The following PTPRD variants were observed in gnomAD, a reference collection of about 807,000 sequenced individuals.
PTPRD encodes the protein protein tyrosine phosphatase receptor type D.
PTPRD carries 34 observed loss-of-function variants against 214.5 expected under a neutral mutation model. The observed-to-expected ratio is 0.16, with a 90% CI of 0.12 to 0.21. The LOEUF (loss-of-function observed/expected upper bound fraction) is 0.21, where lower values mean the gene tolerates loss of function less well. Ranked by LOEUF, PTPRD falls within the 10% of genes least tolerant of loss-of-function variation. The pLI, the probability that PTPRD is intolerant of heterozygous loss-of-function variation, is 1.00. For missense variants in PTPRD, 2,545 were observed against 2,398.7 expected (o/e 1.06, Z -1.27); for synonymous variants, 1,128 against 845.7 (o/e 1.33, Z -5.79).
intron 43 of PTPRD, among the ~76,000 whole-genome samples, chr9:8,335,126 G>A (rs1192139694): frequency 8.2e-5 from 12 of 146,932 alleles, no homozygotes; most frequent in Non-Finnish European, 1.9e-4. Context: ...CAAAAAGAGG[G>A]ACTCCTTCCT....
At chr9:8,603,475 T>G (rs113435934) in intron 14 of PTPRD, among the ~76,000 whole-genome samples, 142 of 152,272 alleles carry the variant, frequency 9.3e-4, no homozygotes, top group African/African-American at 3.3e-3. Flanking sequence ...TACATCTCCT[T>G]AACGGTTTGC....
intron 2 of PTPRD, among the ~76,000 whole-genome samples, chr9:10,355,560 C>G (rs1262532641): frequency 6.6e-6 from 1 of 150,810 alleles, no homozygotes; most frequent in Non-Finnish European, 1.5e-5. Context: ...CTCAATGCAA[C>G]CTCCGCCTCC....
intron 10 of PTPRD, among the ~76,000 whole-genome samples, chr9:9,107,641 G>A (rs1237029503): frequency 6.6e-6 from 1 of 152,104 alleles, no homozygotes; most frequent in African/African-American, 2.4e-5. Flanking sequence ...GCTGCCAACT[G>A]TTTATATATG....
At chr9:8,950,549 A>G (rs1173840894) in intron 11 of PTPRD, among the ~76,000 whole-genome samples, 1 of 152,060 alleles carries the variant, frequency 6.6e-6, no homozygotes, top group Non-Finnish European at 1.5e-5. Flanking sequence ...TTCTCAAATA[A>G]CAGAGCTCTC....
chr9:9,655,603 ACCAAACCAAACCAAG>A (rs1255013736), intron 7 of PTPRD, among the ~76,000 whole-genome samples: 12 of 151,620 alleles, frequency 7.9e-5, no homozygotes, highest in African/African-American at 2.4e-4. Context: ...ACCAAACCAA[ACCAAACCAAACCAAG>A]CCAAACCAAA....
chr9:9,249,681 T>C lies in PTPRD; in HGVS notation c.-202-66318A>G, dbSNP rs533500647. On this transcript the variant is annotated intron_variant, in intron 9 of 45. Coordinates refer to ENST00000381196, the MANE Select transcript of PTPRD (RefSeq NM_002839.4). ...GAACCAACTGCTAAAGTTTCAACTA[T>C]GCATTATTTGTAGAAGTGAGCTTCC... Among the ~76,000 whole-genome samples the C allele has an allele frequency of 5.8e-4, 88 of 152,204 alleles. No homozygotes were observed. In the South Asian group the frequency reaches 7.5e-3, roughly 13 times the overall value.
At chr9:9,176,767 G>A (rs563029956) in intron 10 of PTPRD, among the ~76,000 whole-genome samples, 2 of 152,228 alleles carry the variant, frequency 1.3e-5, no homozygotes, top group East Asian at 3.9e-4. Flanking sequence ...TCTGCCATGG[G>A]ATGAGGCCCT....
chr9:8,722,275 A>T (rs1415782581), intron 12 of PTPRD, among the ~76,000 whole-genome samples: 1 of 152,114 alleles, frequency 6.6e-6, no homozygotes, highest in Non-Finnish European at 1.5e-5. Flanking sequence ...CCAAAGGGTC[A>T]GAATTCTCCT....
At chr9:9,816,657 T>G (rs1179229646) in intron 5 of PTPRD, among the ~76,000 whole-genome samples, 1 of 152,010 alleles carries the variant, frequency 6.6e-6, no homozygotes, top group African/African-American at 2.4e-5. Flanking sequence ...GGGAAGACCT[T>G]TTGCGTATTC....
chr9:9,687,941 A>G (rs1018643749), intron 7 of PTPRD, among the ~76,000 whole-genome samples: 3 of 151,790 alleles, frequency 2.0e-5, no homozygotes, highest in Non-Finnish European at 2.9e-5. Flanking sequence ...AGGTGATTGG[A>G]TCATGGGGGC....
At position 9,440,628 on chromosome 9, in the gene PTPRD, C is replaced by T. The variant is rs117587112; in HGVS notation, c.-236-43146G>A. 3.7e-4 allele frequency among the ~76,000 whole-genome samples: 57 copies of T among 152,242 alleles called. No homozygotes were observed. In the East Asian group the frequency reaches 9.7e-3, roughly 26 times the overall value. On this transcript the variant is annotated intron_variant, in intron 8 of 45. Coordinates refer to ENST00000381196, the MANE Select transcript of PTPRD (RefSeq NM_002839.4). ...ACTGGATTCAGCAGTATCTATTTAC[C>T]GATGGTAGACATTCTTCCTTAAAAC...
At chr9:9,758,651 C>T (rs888362587) in intron 6 of PTPRD, among the ~76,000 whole-genome samples, 7 of 151,696 alleles carry the variant, frequency 4.6e-5, no homozygotes, top group Non-Finnish European at 8.8e-5. Context: ...TCCTCCCTTG[C>T]CCCAACCAAG....
intron 8 of PTPRD, among the ~76,000 whole-genome samples, chr9:9,448,428 C>T (rs1163601002): frequency 6.6e-6 from 1 of 151,966 alleles, no homozygotes; most frequent in African/African-American, 2.4e-5. Context: ...TAAGTGTTTG[C>T]AAGTTCTTCC....
At chr9:9,789,137 AC>A (rs1317864885) in intron 5 of PTPRD, among the ~76,000 whole-genome samples, 4 of 152,292 alleles carry the variant, frequency 2.6e-5, no homozygotes, top group Non-Finnish European at 5.9e-5. Flanking sequence ...ATTGTAGTCT[AC>A]TTTGAGTTGA....
chr9:10,572,906 T>A (rs903085909), intron 2 of PTPRD, among the ~76,000 whole-genome samples: 1 of 152,192 alleles, frequency 6.6e-6, no homozygotes, highest in East Asian at 1.9e-4. Context: ...TAAGTTTTTT[T>A]CAAGGTAGCT....
intron 34 of PTPRD, among the ~76,000 whole-genome samples, chr9:8,440,681 A>C (rs897549284): frequency 6.6e-6 from 1 of 152,220 alleles, no homozygotes; most frequent in South Asian, 2.1e-4. Context: ...TGATCTCCAC[A>C]ATATAGAGTC....
intron 26 of PTPRD, among the ~76,000 whole-genome samples, chr9:8,493,993 CACACAGACACACAG>C (rs1452300030): frequency 2.8e-5 from 4 of 145,316 alleles, no homozygotes; most frequent in East Asian, 2.2e-4. Flanking sequence ...CACACAGACA[CACACAGACACACAG>C]ACACACACAC....
intron 11 of PTPRD, among the ~76,000 whole-genome samples, chr9:8,882,648 G>T (rs2098455781): frequency 6.6e-6 from 1 of 152,088 alleles, no homozygotes; most frequent in Non-Finnish European, 1.5e-5. Flanking sequence ...ACTTTGGGAG[G>T]CTGAGGTGGG....
chr9:10,151,821 C>T (rs2099063093), intron 3 of PTPRD, among the ~76,000 whole-genome samples: 1 of 152,116 alleles, frequency 6.6e-6, no homozygotes, highest in African/African-American at 2.4e-5. Context: ...TTACTTCTTC[C>T]AGAATCCTAC....
Sources: gnomAD v4.1 joint callset for allele counts (sites outside exome capture counted in the v4.1 genomes callset) on GRCh38, gnomAD v4.1.1 for gene constraint, MANE v1.5 for transcripts, NCBI Gene and HGNC (gene_info 2026-07-23, HGNC 2026-07-21) for gene names.